Variants in NBAS observed in about 807,000 individuals in gnomAD.
NBAS encodes the protein NBAS subunit of NRZ tethering complex.
NBAS carries 219 observed loss-of-function variants against 302.5 expected under a neutral mutation model. The observed-to-expected ratio is 0.72, with a 90% CI of 0.65 to 0.81. The LOEUF (loss-of-function observed/expected upper bound fraction) is 0.81. Ranked by LOEUF, NBAS falls within the 30% of genes least tolerant of loss-of-function variation. NBAS has a pLI of 0.00. For missense variants in NBAS, 2,932 were observed against 2,841.6 expected (o/e 1.03, Z -0.72); for synonymous variants, 1,118 against 1,021.6 (o/e 1.09, Z -1.80).
chr2:15,009,705 T>TATATATATATATAC, the NBAS span, among the ~76,000 whole-genome samples: 1 of 147,770 alleles, frequency 6.8e-6, no homozygotes, highest in African/African-American at 2.5e-5. Context: ...TATATATATA[T>TATATATATATATAC]ATATATATAT....
chr2:15,379,483 A>G (rs1400547377), intron 30 of NBAS, 119 bp downstream of exon 30: 1 of 954,638 alleles, frequency 1.0e-6, no homozygotes, highest in African/African-American at 1.9e-5. Flanking sequence ...ACTGTGCCCC[A>G]TATAGTGTAG....
chr2:15,557,963 C>A (rs1664723431), intron 2 of NBAS, among the ~76,000 whole-genome samples: 1 of 152,210 alleles, frequency 6.6e-6, no homozygotes, highest in Admixed American at 6.5e-5. Context: ...CCAGATCTAT[C>A]TGAAACACCA....
chr2:15,373,863 C>T (rs983596573), intron 31 of NBAS, among the ~76,000 whole-genome samples: 8 of 152,140 alleles, frequency 5.3e-5, no homozygotes, highest in African/African-American at 1.9e-4. Context: ...GGAAGCCAGC[C>T]AAGCACACTG....
chr2:15,002,586 G>T, the NBAS span, among the ~76,000 whole-genome samples: 2 of 152,230 alleles, frequency 1.3e-5, no homozygotes, highest in African/African-American at 4.8e-5. Flanking sequence ...GGAGCAGGGG[G>T]TGGCACTCAC....
At chr2:14,890,022 GAAGT>G in the NBAS span, among the ~76,000 whole-genome samples, 1 of 152,182 alleles carries the variant, frequency 6.6e-6, no homozygotes, top group Non-Finnish European at 1.5e-5. Flanking sequence ...TATGTGCTTT[GAAGT>G]AATTAACTAC....
chr2:15,285,925 G>T (rs1670020452), intron 42 of NBAS, among the ~76,000 whole-genome samples: 2 of 152,180 alleles, frequency 1.3e-5, no homozygotes, highest in African/African-American at 2.4e-5. Flanking sequence ...CTCCCAAAGT[G>T]TTGGGATTAC....
At chr2:15,001,967 T>C in the NBAS span, among the ~76,000 whole-genome samples, 1 of 152,084 alleles carries the variant, frequency 6.6e-6, no homozygotes, top group African/African-American at 2.4e-5. Context: ...CTGCTTTTAT[T>C]CTCTTCTCTG....
the NBAS span, among the ~76,000 whole-genome samples, chr2:15,013,274 T>C: frequency 6.6e-6 from 1 of 151,994 alleles, no homozygotes; most frequent in Non-Finnish European, 1.5e-5. Context: ...ACTATAAAAC[T>C]CACTGGTTTG....
chr2:15,381,930 A>G (rs776450165), intron 29 of NBAS, among the ~76,000 whole-genome samples: 2 of 152,216 alleles, frequency 1.3e-5, no homozygotes, highest in Non-Finnish European at 2.9e-5. Flanking sequence ...TATTTTTACA[A>G]TTCTGATTTC....
chr2:15,510,730 T>C (rs922107396), intron 10 of NBAS, among the ~76,000 whole-genome samples: 4 of 152,146 alleles, frequency 2.6e-5, no homozygotes, highest in Non-Finnish European at 4.4e-5. Flanking sequence ...TGGAACAACA[T>C]GGAAATCTGG....
At chr2:15,168,168 G>C (rs1489239271) in intron 51 of NBAS, among the ~76,000 whole-genome samples, 1 of 152,188 alleles carries the variant, frequency 6.6e-6, no homozygotes, top group Non-Finnish European at 1.5e-5. Context: ...TCATAAAACA[G>C]ATTCCTGACA....
At chr2:15,373,307 G>T (rs1674575192) in intron 31 of NBAS, among the ~76,000 whole-genome samples, 1 of 152,106 alleles carries the variant, frequency 6.6e-6, no homozygotes, top group African/African-American at 2.4e-5. Context: ...GATATTCAAA[G>T]TAATAATAAT....
intron 31 of NBAS, among the ~76,000 whole-genome samples, chr2:15,367,409 C>T (rs1674264181): frequency 6.6e-6 from 1 of 152,108 alleles, no homozygotes; most frequent in African/African-American, 2.4e-5. Flanking sequence ...ATTATAATAA[C>T]AACAACTACG....
chr2:15,161,798 C>A, the NBAS span, among the ~76,000 whole-genome samples: 5 of 152,132 alleles, frequency 3.3e-5, no homozygotes, highest in Admixed American at 2.0e-4. Context: ...AAAGTCATAA[C>A]CCTAAGGGTC....
In NBAS at chr2:15,443,676, T is replaced by G. The variant is rs866005817; in HGVS notation, c.2340-15882A>C. ...AGGGCAATTAGGCAGGAGAAGGAAA[T>G]AAAGGGTATTCAATTAGGAAAAGAG... On this transcript the variant is annotated intron_variant, in intron 21 of 51. Coordinates refer to ENST00000281513, the MANE Select transcript of NBAS (RefSeq NM_015909.4). Among the ~76,000 whole-genome samples the G allele has an allele frequency of 6.1e-3, 925 of 150,530 alleles. 7 individuals are homozygous for G. The highest frequency in any genetic ancestry group is 0.021 in the African/African-American group (867 of 40,752).
intron 44 of NBAS, among the ~76,000 whole-genome samples, chr2:15,243,985 T>C (rs572241373): frequency 4.5e-4 from 69 of 152,268 alleles, no homozygotes; most frequent in African/African-American, 1.5e-3. Flanking sequence ...ATTCTTTCAA[T>C]TGGACAAAAT....
chr2:15,533,281 A>G (rs1261821666), intron 9 of NBAS, among the ~76,000 whole-genome samples: 2 of 152,226 alleles, frequency 1.3e-5, no homozygotes, highest in Non-Finnish European at 2.9e-5. Context: ...CATATCCTAT[A>G]GAAACTTTTG....
At chr2:14,888,142 A>T in the NBAS span, among the ~76,000 whole-genome samples, 199 of 152,038 alleles carry the variant, frequency 1.3e-3, 2 homozygotes, top group African/African-American at 4.6e-3. Context: ...TTATTTATTT[A>T]TTTTTTGAAA....
intron 23 of NBAS, among the ~76,000 whole-genome samples, chr2:15,419,752 C>T (rs1677121161): frequency 6.6e-6 from 1 of 151,986 alleles, no homozygotes; most frequent in African/African-American, 2.4e-5. Flanking sequence ...CACTCTGCCT[C>T]CCAGGCTGGA....
Sources: allele counts gnomAD v4.1 joint callset (sites outside exome capture counted in the v4.1 genomes callset), GRCh38; gene constraint gnomAD v4.1.1; transcripts MANE v1.5; gene names NCBI Gene and HGNC (gene_info 2026-07-23, HGNC 2026-07-21).